RBM26: variants seen among roughly 807,000 people sequenced by gnomAD.
The protein encoded by RBM26 is RNA-binding protein 26.
A neutral mutation model predicts 123.6 loss-of-function variants in RBM26; 30 were observed. That is an observed-to-expected ratio of 0.24 (90% CI 0.18 to 0.33). The LOEUF (loss-of-function observed/expected upper bound fraction) is 0.33. RBM26 is among the 10% of genes least tolerant of loss of function. RBM26 has a pLI of 1.00. For synonymous variants in RBM26, 400 were observed against 404.4 expected (o/e 0.99, Z 0.13); for missense variants, 947 against 1,203.6 (o/e 0.79, Z 3.15).
chr13:79,392,927 A>C (rs2078227029), intron 1 of RBM26, among the ~76,000 whole-genome samples: 1 of 152,186 alleles, frequency 6.6e-6, no homozygotes, highest in Admixed American at 6.5e-5. Context: ...CCATAGATGG[A>C]GGTACAGAGA....
At chr13:79,373,592 T>C (rs2076337261) in intron 3 of RBM26, among the ~76,000 whole-genome samples, 1 of 104,228 alleles carries the variant, frequency 9.6e-6, no homozygotes, top group Admixed American at 1.3e-4. Flanking sequence ...TATATTACTA[T>C]ATATATTTAT....
chr13:79,363,992 G>A (rs560142249), intron 9 of RBM26, among the ~76,000 whole-genome samples: 3 of 152,236 alleles, frequency 2.0e-5, no homozygotes, highest in South Asian at 4.1e-4. Context: ...GAAGAAAAGA[G>A]GGTTTCTGTG....
chr13:79,366,598 T>C lies in RBM26; in HGVS notation c.1135+35A>G, dbSNP rs746321824. ...GTTTTAAAAATAGACTAAGAATGGC[T>C]AGATAAATACAGGGAAACAAACAGA... On this transcript the variant is annotated intron_variant, in intron 7 of 21. Transcript: ENST00000438737. The C allele has an allele frequency of 6.1e-6, 9 of 1,484,834 alleles. No homozygotes were observed. In the Admixed American group the frequency reaches 1.9e-4, roughly 31 times the overall value. 92.0% of individuals were successfully genotyped at this position (1,484,834 alleles called of 1,614,324 possible). A position where few individuals can be genotyped will look rare whatever the true frequency, so the allele number is the denominator to read the frequency against.
intron 3 of RBM26, 128 bp downstream of exon 3, chr13:79,377,251 T>G (rs1237452873): frequency 2.8e-6 from 2 of 715,206 alleles, no homozygotes; most frequent in East Asian, 5.2e-5. Flanking sequence ...TGAGTCCTCC[T>G]AGAAAAATCA....
rs188823353 is a variant in RBM26 at position 79,400,901 on chromosome 13, T to G, written c.71+4803A>C. On this transcript the variant is annotated intron_variant, in intron 1 of 21. Transcript: ENST00000438737. The stretch of plus-strand genomic sequence containing the variant: ...AAGAAGTAAATGGCTGAGGGCAAAT[T>G]AACAAAAAATTAAAAGTCTGACTAC... Among the ~76,000 whole-genome samples, 72 of 152,270 alleles carry G rather than the reference T, an allele frequency of 4.7e-4. No homozygotes were observed. The East Asian group carries it at 0.011, about 24-fold the overall frequency.
chr13:79,372,849 T>TATTA (rs2076082757), intron 3 of RBM26, among the ~76,000 whole-genome samples: 1 of 80,856 alleles, frequency 1.2e-5, no homozygotes, highest in African/African-American at 1.0e-4. Flanking sequence ...ATATTATATA[T>TATTA]TATATAAATA....
At chr13:79,351,388 A>ACACTTCCAG (rs1184173746) in intron 14 of RBM26, among the ~76,000 whole-genome samples, 1 of 152,174 alleles carries the variant, frequency 6.6e-6, no homozygotes, top group Non-Finnish European at 1.5e-5. Flanking sequence ...ATCACCTCAA[A>ACACTTCCAG]CACTTCCAGT....
chr13:79,319,504 C>A lies in RBM26; in HGVS notation c.*1117G>T. ...GATTTTTATACAAGTATAGGAAGTACACACTTAAAATATCAGACTGGAACA... is the reference window on the plus strand; with the variant it reads ...GATTTTTATACAAGTATAGGAAGTAAACACTTAAAATATCAGACTGGAACA... On this transcript the variant is annotated 3_prime_UTR_variant, in exon 22 of 22. Coordinates refer to ENST00000438737, the MANE Select transcript of RBM26 (RefSeq NM_001366735.2). 1.0e-6 allele frequency: 1 copy of A among 984,118 alleles called. No homozygotes were observed. The highest frequency in any genetic ancestry group is 1.2e-6 in the Non-Finnish European group (1 of 828,998). 61.0% of individuals were successfully genotyped at this position (984,118 alleles called of 1,614,324 possible).
rs1195325533 is a variant in RBM26, at chr13:79,322,461, G to A, written c.2822C>T (p.Ala941Val). Residue 941 changes from alanine (A) to valine (V), a missense_variant and splice_region_variant, in exon 21 of 22, where the codon GCT becomes GTT. By Grantham distance (64) the Ala-to-Val change is moderately conservative. Around this residue, in one of 5 missense-constraint regions of RBM26, gnomAD observed 164 missense variants for 215.3 expected, o/e 0.76. Coordinates refer to ENST00000438737, the MANE Select transcript of RBM26 (RefSeq NM_001366735.2). ...TFKTRAEAEA[A>V]AVHGARFKGQ... The stretch of plus-strand genomic sequence containing the variant: ...TTTGAAACGAGCTCCATGAACTGCA[G>A]CCTAAAATGATTAAAAATATTGGAA... 2 of 1,538,730 alleles carry A rather than the reference G, an allele frequency of 1.3e-6. No homozygotes were observed. The highest frequency in any genetic ancestry group is 1.4e-5 in the African/African-American group (1 of 69,770).
chr13:79,397,906 C>T (rs111633632), intron 1 of RBM26, among the ~76,000 whole-genome samples: 3,468 of 151,970 alleles, frequency 0.023, 37 homozygotes, highest in African/African-American at 0.029. Flanking sequence ...ATTTGTAAAA[C>T]ATGTCGCAGA....
chr13:79,379,027 G>A (rs1251299792), intron 1 of RBM26, 120 bp from the exon 2 acceptor site: 18 of 633,272 alleles, frequency 2.8e-5, no homozygotes, highest in Middle Eastern at 3.0e-4. Context: ...AAAAGCACCC[G>A]GGTCACAGAG....
At chr13:79,373,648 CTATTTATA>C (rs1332470080) in intron 3 of RBM26, among the ~76,000 whole-genome samples, 25 of 115,504 alleles carry the variant, frequency 2.2e-4, no homozygotes, top group Admixed American at 3.5e-4. Context: ...TTTATATAGT[CTATTTATA>C]TATTTATATA....
intron 1 of RBM26, among the ~76,000 whole-genome samples, chr13:79,392,322 TTA>T (rs1345396750): frequency 7.0e-6 from 1 of 142,016 alleles, no homozygotes; most frequent in African/African-American, 2.6e-5. Flanking sequence ...TAATATATAA[TTA>T]GTAATTATAT....
Position 79,368,753 on chromosome 13 carries a change from T to A in RBM26, c.872A>T (p.Lys291Met). 1 of 1,614,042 alleles carries A rather than the reference T, an allele frequency of 6.2e-7. No homozygotes were observed. Among genetic ancestry groups the A allele is most frequent in the African/African-American group, 1.3e-5 (1 of 75,058 alleles). Residue 291 changes from lysine (K) to methionine (M), a missense_variant, in exon 6 of 22, where the codon AAG becomes ATG. By Grantham distance (95) the Lys-to-Met change is moderately conservative (BLOSUM62 -1). Coordinates refer to ENST00000438737, the MANE Select transcript of RBM26 (RefSeq NM_001366735.2). ...ACCATCATAGTCTCTACACCGTTTC[T>A]TTGGCATGGGTGGTCTTACGTAAGA... Reference protein sequence around the residue: ...HNSYVRPPMPKKRCRDYDEKG... With the variant: ...HNSYVRPPMPMKRCRDYDEKG...
At chr13:79,403,509 A>G (rs2079231002) in intron 1 of RBM26, among the ~76,000 whole-genome samples, 1 of 152,252 alleles carries the variant, frequency 6.6e-6, no homozygotes, top group Non-Finnish European at 1.5e-5. Context: ...GAACGCTTAA[A>G]GGAAAGCTAT....
In RBM26 at chr13:79,394,547, T is replaced by A. The variant is rs2078387948; in HGVS notation, c.71+11157A>T. ...CCTTCTGTAGCATCCATTTCTCTAT[T>A]CCGTGCCTTTCTCAACATGCATCAA... On this transcript the variant is annotated intron_variant, in intron 1 of 21. Coordinates refer to ENST00000438737, the MANE Select transcript of RBM26 (RefSeq NM_001366735.2). Among the ~76,000 whole-genome samples, 3 of 152,176 alleles carry A rather than the reference T, an allele frequency of 2.0e-5. No individual in the cohort carries two copies. In the South Asian group the frequency reaches 6.2e-4, roughly 32 times the overall value.
intron 3 of RBM26, among the ~76,000 whole-genome samples, chr13:79,373,182 TATA>T: frequency 8.7e-6 from 1 of 115,056 alleles, no homozygotes; most frequent in South Asian, 2.4e-4. Flanking sequence ...TAAATTTTTA[TATA>T]AATATATAAA....
chr13:79,368,902 A>T lies in RBM26; in HGVS notation c.723T>A (p.Ile241=), dbSNP rs971091906. 5.0e-6 allele frequency: 8 copies of T among 1,612,832 alleles called. No individual in the cohort carries two copies. The African/African-American group carries it at 6.7e-5, about 13-fold the overall frequency. ...NYTPVSSVPS[I]SSGHYPVPTL... ...TAGGTACAGGGTAGTGGCCAGATGA[A>T]ATACTAGGTACCGAAGAGACTGGAG... The change falls in exon 6 of 22, where the codon ATT becomes ATA. Residue 241 remains isoleucine, a synonymous_variant. Transcript: ENST00000438737.
rs2140536629 is a variant in RBM26 at position 79,400,426 on chromosome 13, G to A, written c.71+5278C>T. 1.3e-5 allele frequency among the ~76,000 whole-genome samples: 2 copies of A among 152,266 alleles called. 1 individual carries two copies. Among genetic ancestry groups the A allele is most frequent in the South Asian group, 4.1e-4 (2 of 4,826 alleles). On this transcript the variant is annotated intron_variant, in intron 1 of 21. Transcript: ENST00000438737. Reference sequence around the variant, plus strand: ...GTCTCCCATAGCAGAAGTCAGAGGGGCAGAGGCAAAACCTAACCTTTTATA... The same window carrying A: ...GTCTCCCATAGCAGAAGTCAGAGGGACAGAGGCAAAACCTAACCTTTTATA...
Sources: allele counts gnomAD v4.1 joint callset (sites outside exome capture counted in the v4.1 genomes callset), GRCh38; gene constraint gnomAD v4.1.1; regional missense constraint gnomAD v4.1.1; transcripts MANE v1.5; gene names NCBI Gene and HGNC (gene_info 2026-07-23, HGNC 2026-07-21).